ODAD2: variants seen among roughly 807,000 people sequenced by gnomAD.
ODAD2 encodes outer dynein arm-docking complex subunit 2.
Under a neutral mutation model 106.8 loss-of-function variants are expected in ODAD2, and 89 were observed. The ratio of observed to expected loss-of-function variants is 0.83; its 90% CI spans 0.70 to 0.99. The LOEUF (loss-of-function observed/expected upper bound fraction) is 0.99. Ranked by LOEUF, ODAD2 falls within the 50% of genes least tolerant of loss-of-function variation. The pLI is 0.00. For synonymous variants in ODAD2, 404 were observed against 436.2 expected, an observed-to-expected ratio of 0.93 and a Z score of 0.92; for missense variants, 1,168 against 1,238.5, an observed-to-expected ratio of 0.94 and a Z score of 0.85.
At chr10:27,885,595 T>A in intron 17 of ODAD2, among the ~76,000 whole-genome samples, 2 of 69,962 alleles carry the variant, frequency 2.9e-5, no homozygotes, top group African/African-American at 6.2e-5. Context: ...TAAATATAAA[T>A]ATATATATAA....
intron 17 of ODAD2, among the ~76,000 whole-genome samples, chr10:27,869,619 C>T (rs1169096994): frequency 6.6e-6 from 1 of 151,448 alleles, no homozygotes; most frequent in Non-Finnish European, 1.5e-5. Flanking sequence ...ACTGCAACTT[C>T]CGCCCCCTAG....
At chr10:27,899,113 C>T (rs1843027124) in intron 17 of ODAD2, among the ~76,000 whole-genome samples, 1 of 151,868 alleles carries the variant, frequency 6.6e-6, no homozygotes, top group Non-Finnish European at 1.5e-5. Flanking sequence ...AGGTACCCAT[C>T]TCATCTCATT....
chr10:27,996,754 C>T (rs1387699317), intron 1 of ODAD2, among the ~76,000 whole-genome samples: 1 of 152,182 alleles, frequency 6.6e-6, no homozygotes, highest in Non-Finnish European at 1.5e-5. Flanking sequence ...TGGAAAATGA[C>T]ACCATTGATG....
At chr10:27,959,669 T>A (rs1847988313) in intron 10 of ODAD2, among the ~76,000 whole-genome samples, 1 of 152,192 alleles carries the variant, frequency 6.6e-6, no homozygotes, top group Non-Finnish European at 1.5e-5. Context: ...TTCAGGAATA[T>A]GCAATCAAAA....
intron 7 of ODAD2, among the ~76,000 whole-genome samples, chr10:27,973,976 T>C (rs1849025926): frequency 6.6e-6 from 1 of 152,242 alleles, no homozygotes; most frequent in Non-Finnish European, 1.5e-5. Context: ...ACAGCCATTC[T>C]GACTGGTGTA....
chr10:27,845,628 A>C (rs1363219374), intron 19 of ODAD2, among the ~76,000 whole-genome samples: 2 of 152,210 alleles, frequency 1.3e-5, no homozygotes, highest in African/African-American at 4.8e-5. Context: ...CAGACTGACA[A>C]ATTGGATGAA....
chr10:27,870,421 T>G (rs969118161), intron 17 of ODAD2, among the ~76,000 whole-genome samples: 3 of 152,110 alleles, frequency 2.0e-5, no homozygotes, highest in Non-Finnish European at 4.4e-5. Flanking sequence ...TTGTTACATA[T>G]GCATACATGT....
intron 15 of ODAD2, among the ~76,000 whole-genome samples, chr10:27,935,725 G>T (rs1306706900): frequency 6.7e-6 from 1 of 148,418 alleles, no homozygotes; most frequent in Non-Finnish European, 1.5e-5. Flanking sequence ...GTCACTCTCA[G>T]GTATCTTCTA....
chr10:27,940,334 A>G (rs1432536137), intron 13 of ODAD2, among the ~76,000 whole-genome samples: 1 of 152,042 alleles, frequency 6.6e-6, no homozygotes, highest in East Asian at 1.9e-4. Context: ...TGTGAGATTT[A>G]TATAAATGTC....
intron 16 of ODAD2, among the ~76,000 whole-genome samples, chr10:27,911,645 G>A (rs559232452): frequency 2.0e-5 from 3 of 152,234 alleles, no homozygotes; most frequent in African/African-American, 7.2e-5. Flanking sequence ...AGCCATCTCC[G>A]TATTTTACAT....
chr10:27,976,930 A>G (rs777602760), intron 7 of ODAD2, among the ~76,000 whole-genome samples: 14 of 152,194 alleles, frequency 9.2e-5, no homozygotes, highest in Non-Finnish European at 1.3e-4. Flanking sequence ...TCAGAAATAC[A>G]TTCACAGACA....
intron 11 of ODAD2, 64 bp from the exon 12 acceptor site, chr10:27,944,495 G>A (rs564769982): frequency 1.8e-4 from 251 of 1,423,690 alleles, no homozygotes; most frequent in Non-Finnish European, 2.2e-4. Context: ...TAAAAATTCC[G>A]AGTATACCTA....
chr10:27,933,904 G>A (rs1021907055), intron 16 of ODAD2, among the ~76,000 whole-genome samples: 7 of 152,124 alleles, frequency 4.6e-5, no homozygotes, highest in African/African-American at 1.2e-4. Context: ...TATAAGATAC[G>A]TGGTTAGACG....
upstream of ODAD2, among the ~76,000 whole-genome samples, chr10:27,999,245 G>T (rs1040404751): frequency 1.3e-5 from 2 of 152,356 alleles, no homozygotes; most frequent in African/African-American, 4.8e-5. Context: ...CAGAGGTCGT[G>T]AGCAGTTGCG....
In ODAD2 at chr10:27,862,299, C is replaced by G; in HGVS notation, c.2799+135G>C. ...GTCTCAGAGAAACTAAATGAGTTGACCAAATCTCATACCTCATAAGCAATG... is the reference window on the plus strand; with the variant it reads ...GTCTCAGAGAAACTAAATGAGTTGAGCAAATCTCATACCTCATAAGCAATG... On this transcript the variant is annotated intron_variant, in intron 18 of 19. Transcript: ENST00000305242. The G allele has an allele frequency of 5.5e-6, 3 of 544,774 alleles. No homozygotes were observed. The East Asian group carries it at 9.5e-5, about 17-fold the overall frequency. 33.7% of individuals were successfully genotyped at this position (544,774 alleles called of 1,614,324 possible). A position where few individuals can be genotyped will look rare whatever the true frequency, so the allele number is the denominator to read the frequency against.
At chr10:27,904,126 C>T (rs1217665828) in intron 17 of ODAD2, 1 of 166,540 alleles carries the variant, frequency 6.0e-6, no homozygotes, top group East Asian at 1.8e-4. Flanking sequence ...TGACCCACAC[C>T]TTAGTTTAGC....
At chr10:27,998,824 A>C (rs1291610627) in intron 1 of ODAD2, among the ~76,000 whole-genome samples, 170 bp downstream of exon 1, 4 of 152,016 alleles carry the variant, frequency 2.6e-5, no homozygotes, top group Non-Finnish European at 5.9e-5. Context: ...TGCCCCCCGC[A>C]GTCGGCGCCC....
intron 10 of ODAD2, among the ~76,000 whole-genome samples, chr10:27,945,353 T>C (rs560216923): frequency 3.3e-5 from 5 of 152,258 alleles, no homozygotes; most frequent in Non-Finnish European, 7.4e-5. Flanking sequence ...CAGATGTGCA[T>C]AGAACAGTCC....
chr10:27,964,642 T>G (rs895229544), intron 9 of ODAD2, among the ~76,000 whole-genome samples: 6 of 152,194 alleles, frequency 3.9e-5, no homozygotes, highest in Non-Finnish European at 7.3e-5. Context: ...ATTAAGTAAC[T>G]GGTTAGGTTT....
Sources: allele counts gnomAD v4.1 joint callset (sites outside exome capture counted in the v4.1 genomes callset), GRCh38; gene constraint gnomAD v4.1.1; transcripts MANE v1.5; gene names NCBI Gene and HGNC (gene_info 2026-07-23, HGNC 2026-07-21).